TRIO: variants seen among roughly 807,000 people sequenced by gnomAD.
TRIO encodes the protein triple functional domain protein.
A neutral mutation model predicts 351.9 loss-of-function variants in TRIO; 58 were observed. The ratio of observed to expected loss-of-function variants is 0.16; its 90% CI spans 0.13 to 0.21. TRIO has a LOEUF of 0.21. Ranked by LOEUF, TRIO falls within the 10% of genes least tolerant of loss-of-function variation. The probability of loss-of-function intolerance (pLI) is 1.00; values close to 1 mark genes in which losing one functional copy is unlikely to be tolerated. For missense variants in TRIO, 3,201 were observed against 4,027.8 expected (o/e 0.79, Z 5.56); for synonymous variants, 1,758 against 1,595.7 (o/e 1.10, Z -2.42).
chr5:14,452,575 C>A (rs1013832575), intron 34 of TRIO, among the ~76,000 whole-genome samples: 4 of 152,234 alleles, frequency 2.6e-5, no homozygotes, highest in Non-Finnish European at 5.9e-5. Flanking sequence ...TGAACACATG[C>A]ATGTGCCAGG....
chr5:14,401,184 C>T (rs747510574), intron 31 of TRIO, 120 bp downstream of exon 31: 1 of 796,768 alleles, frequency 1.3e-6, no homozygotes, highest in Non-Finnish European at 1.9e-6. Flanking sequence ...TGTGTGTGTT[C>T]TATTCAGATT....
intron 8 of TRIO, among the ~76,000 whole-genome samples, chr5:14,312,897 A>G (rs1019206405): frequency 6.6e-6 from 1 of 152,264 alleles, no homozygotes; most frequent in Non-Finnish European, 1.5e-5. Flanking sequence ...ATAAAATTGT[A>G]GCATGTTGTT....
intron 16 of TRIO, among the ~76,000 whole-genome samples, chr5:14,368,244 A>G (rs1388521845): frequency 6.6e-6 from 1 of 152,240 alleles, no homozygotes; most frequent in Non-Finnish European, 1.5e-5. Context: ...TAAAATCAAT[A>G]GTTCTTGAAA....
chr5:14,496,957 C>T lies in TRIO; in HGVS notation c.7959C>T (p.Gly2653=), dbSNP rs1756935944. Reference sequence around the variant, plus strand: ...AAGATAAAGACGGCAAAAGGGAAGGCAAGTTAGAGAACGGTTATCGGAAGT... The same window carrying T: ...AAGATAAAGACGGCAAAAGGGAAGGTAAGTTAGAGAACGGTTATCGGAAGT... ...EKKDKDGKRE[G]KLENGYRKSR... The change falls in exon 50 of 57, where the codon GGC becomes GGT. Residue 2653 remains glycine (G), a synonymous_variant. Transcript: ENST00000344204. 2 of 1,614,036 alleles carry T rather than the reference C, an allele frequency of 1.2e-6. No individual in the cohort carries two copies. Among genetic ancestry groups the T allele is most frequent in the Non-Finnish European group, 1.7e-6 (2 of 1,180,036 alleles).
chr5:14,327,377 G>A lies in TRIO; in HGVS notation c.1732-3401G>A, dbSNP rs373654550. On this transcript the variant is annotated intron_variant, in intron 9 of 56. Coordinates refer to ENST00000344204, the MANE Select transcript of TRIO (RefSeq NM_007118.4). ...CAGGGTTTCACCATGTTGACCAGGC[G>A]GGTCTCAAACTCCTGACCTCAGGTG... 3.9e-3 allele frequency among the ~76,000 whole-genome samples: 596 copies of A among 152,062 alleles called. 4 individuals are homozygous for A. The highest frequency in any genetic ancestry group is 0.014 in the African/African-American group (575 of 41,466).
intron 34 of TRIO, among the ~76,000 whole-genome samples, chr5:14,432,850 AG>A (rs1379629131): frequency 7.2e-5 from 11 of 152,226 alleles, no homozygotes; most frequent in Admixed American, 7.2e-4. Flanking sequence ...TCTTCCTTAA[AG>A]GAGCTGAAGA....
chr5:14,183,102 A>G (rs1019371852), intron 1 of TRIO, among the ~76,000 whole-genome samples: 10 of 152,054 alleles, frequency 6.6e-5, no homozygotes, highest in African/African-American at 2.2e-4. Flanking sequence ...GGTCTTCGTT[A>G]GGGTTCAGAA....
chr5:14,421,584 A>G (rs1476099575), intron 34 of TRIO, among the ~76,000 whole-genome samples: 2 of 149,672 alleles, frequency 1.3e-5, no homozygotes, highest in East Asian at 3.9e-4. Flanking sequence ...AGCCTGGGCA[A>G]CAGAGCAAGA....
At chr5:14,466,883 A>G (rs1168616675) in intron 37 of TRIO, among the ~76,000 whole-genome samples, 1 of 152,242 alleles carries the variant, frequency 6.6e-6, no homozygotes, top group Non-Finnish European at 1.5e-5. Flanking sequence ...TAATAACTGT[A>G]TAGTATTCCT....
chr5:14,155,875 A>G (rs544348651), intron 1 of TRIO, among the ~76,000 whole-genome samples: 24 of 152,128 alleles, frequency 1.6e-4, no homozygotes, highest in South Asian at 1.2e-3. Flanking sequence ...CCCTTCTTTC[A>G]TTTGCTAGTT....
intron 1 of TRIO, among the ~76,000 whole-genome samples, chr5:14,260,418 A>C (rs1451264668): frequency 6.6e-6 from 1 of 152,198 alleles, no homozygotes; most frequent in East Asian, 1.9e-4. Flanking sequence ...GGAACATGCC[A>C]TTTAGGGGAA....
At chr5:14,232,298 C>T (rs1197575338) in intron 1 of TRIO, among the ~76,000 whole-genome samples, 5 of 152,162 alleles carry the variant, frequency 3.3e-5, no homozygotes, top group African/African-American at 1.2e-4. Flanking sequence ...ATGAATACAC[C>T]TTCCATACCA....
At position 14,330,798 on chromosome 5, in the gene TRIO, C is replaced by A. The variant is rs1215175918; in HGVS notation, c.1752C>A (p.Asn584Lys). The A allele has an allele frequency of 4.0e-5, 64 of 1,613,946 alleles. No homozygotes were observed. The highest frequency in any genetic ancestry group is 5.1e-5 in the Non-Finnish European group (60 of 1,179,966). ...DVQQVLDWIE[N>K]HGEAFLSKHT... ...TGTAGGTGCTAGACTGGATCGAGAA[C>A]CACGGAGAAGCATTTCTGAGCAAAC... The change falls in exon 10 of 57, where the codon AAC becomes AAA. Residue 584 changes from asparagine (N) to lysine (K), a missense_variant. Asn to Lys is a moderately conservative substitution (Grantham distance 94). Transcript: ENST00000344204.
intron 1 of TRIO, among the ~76,000 whole-genome samples, chr5:14,195,789 G>A (rs1378040250): frequency 6.6e-6 from 1 of 152,124 alleles, no homozygotes; most frequent in South Asian, 2.1e-4. Context: ...TGACTGGATT[G>A]CTCCGATTGT....
intron 1 of TRIO, among the ~76,000 whole-genome samples, chr5:14,205,717 T>C (rs1367902786): frequency 6.6e-6 from 1 of 152,254 alleles, no homozygotes; most frequent in African/African-American, 2.4e-5. Flanking sequence ...CAAATACTTT[T>C]ATACAAATGT....
At chr5:14,201,023 T>A (rs1791073868) in intron 1 of TRIO, among the ~76,000 whole-genome samples, 1 of 152,176 alleles carries the variant, frequency 6.6e-6, no homozygotes, top group South Asian at 2.1e-4. Context: ...TTTGGGAGGC[T>A]GAGACAGGCA....
intron 1 of TRIO, among the ~76,000 whole-genome samples, chr5:14,189,867 C>T (rs26289): frequency 0.43 from 65,922 of 151,672 alleles, 16,642 homozygotes; most frequent in Non-Finnish European, 0.56. Context: ...GAACTATAGG[C>T]GCATCCCACC....
chr5:14,481,761 AT>A, intron 45 of TRIO, 143 bp downstream of exon 45: 1 of 264,534 alleles, frequency 3.8e-6, no homozygotes, highest in Non-Finnish European at 6.2e-6. Context: ...TCTGATTGAT[AT>A]TTTATTTCCT....
intron 1 of TRIO, among the ~76,000 whole-genome samples, chr5:14,254,661 C>A (rs1441263083): frequency 6.6e-6 from 1 of 152,222 alleles, no homozygotes; most frequent in East Asian, 1.9e-4. Context: ...CCTCCTGTTT[C>A]TTCTCCAACC....
Sources: gnomAD v4.1 joint callset for allele counts (sites outside exome capture counted in the v4.1 genomes callset) on GRCh38, gnomAD v4.1.1 for gene constraint, MANE v1.5 for transcripts, NCBI Gene and HGNC (gene_info 2026-07-23, HGNC 2026-07-21) for gene names.